LPAR3: variants seen among roughly 807,000 people sequenced by gnomAD.
LPAR3 encodes the protein lysophosphatidic acid receptor 3.
LPAR3 carries 7 observed loss-of-function variants against 17.8 expected under a neutral mutation model. The ratio of observed to expected loss-of-function variants is 0.39; its 90% confidence interval spans 0.22 to 0.74. The LOEUF (loss-of-function observed/expected upper bound fraction) is 0.74, where lower values mean the gene tolerates loss of function less well. Among genes scored for constraint, LPAR3 ranks in the 30% least tolerant of loss-of-function variants. The probability of loss-of-function intolerance (pLI) is 0.40; values close to 1 mark genes in which losing one functional copy is unlikely to be tolerated. For missense variants in LPAR3, 391 were observed against 453.4 expected (o/e 0.86, Z 1.25); for synonymous variants, 179 against 179.9 (o/e 0.99, Z 0.04).
At chr1:84,837,509 TGA>T (rs1659429426) in intron 2 of LPAR3, among the ~76,000 whole-genome samples, 1 of 152,178 alleles carries the variant, frequency 6.6e-6, no homozygotes, top group East Asian at 1.9e-4. Flanking sequence ...ACATCACCTC[TGA>T]GAGAGTCAAC....
At chr1:84,832,745 G>A (rs1659312697) in intron 2 of LPAR3, among the ~76,000 whole-genome samples, 1 of 152,194 alleles carries the variant, frequency 6.6e-6, no homozygotes, top group Non-Finnish European at 1.5e-5. Flanking sequence ...TATCACAGGT[G>A]GCTGGGCAGC....
chr1:84,878,174 A>C, intron 1 of LPAR3, among the ~76,000 whole-genome samples: 1 of 152,146 alleles, frequency 6.6e-6, no homozygotes, highest in East Asian at 1.9e-4. Flanking sequence ...TCTGACATAA[A>C]TTTTTTTTAA....
intron 1 of LPAR3, among the ~76,000 whole-genome samples, chr1:84,890,455 C>G (rs1660532504): frequency 6.6e-6 from 1 of 152,134 alleles, no homozygotes; most frequent in Non-Finnish European, 1.5e-5. Flanking sequence ...AGTGCTTTCT[C>G]TTTTAATCTT....
chr1:84,865,511 C>A lies in LPAR3; in HGVS notation c.610G>T (p.Val204Leu), dbSNP rs754832960. 8.7e-6 allele frequency: 14 copies of A among 1,614,070 alleles called. No homozygotes were observed. The highest frequency in any genetic ancestry group is 1.1e-5 in the Non-Finnish European group (13 of 1,180,056). ...SNLMAFLIMV[V>L]VYLRIYVYVK... ...TACACGTAGATCCGCAGGTACACCA[C>A]AACCATGATGAGGAAGGCCATGAGG... The change falls in exon 2 of 3, where the codon GTG becomes TTG. Residue 204 changes from valine (V) to leucine (L), a missense_variant. Val to Leu is a conservative substitution (Grantham distance 32). Coordinates refer to ENST00000370611, the MANE Select transcript of LPAR3 (RefSeq NM_012152.3).
At chr1:84,887,680 G>A (rs1178354253) in intron 1 of LPAR3, among the ~76,000 whole-genome samples, 1 of 152,180 alleles carries the variant, frequency 6.6e-6, no homozygotes, top group African/African-American at 2.4e-5. Context: ...TGTGCCTTCT[G>A]TTGTAAGAAG....
At chr1:84,861,318 C>T (rs1054332690) in intron 2 of LPAR3, among the ~76,000 whole-genome samples, 7 of 152,148 alleles carry the variant, frequency 4.6e-5, no homozygotes, top group African/African-American at 1.7e-4. Context: ...TAGGAAGATA[C>T]TGTGGTAGGT....
chr1:84,812,935 T>G lies in LPAR3; in HGVS notation c.*911A>C, dbSNP rs1658842637. On this transcript the variant is annotated 3_prime_UTR_variant, in exon 3 of 3. Coordinates refer to ENST00000370611, the MANE Select transcript of LPAR3 (RefSeq NM_012152.3). ...TTTTCTGCATAAACCCTTTACTAGCTCTCCACTGTTTTTCACCATCATGAG... is the reference window on the plus strand; with the variant it reads ...TTTTCTGCATAAACCCTTTACTAGCGCTCCACTGTTTTTCACCATCATGAG... 1 of 151,454 alleles carries G rather than the reference T, an allele frequency of 6.6e-6. No homozygotes were observed. Among genetic ancestry groups the G allele is most frequent in the South Asian group, 2.1e-4 (1 of 4,778 alleles). The allele number at this position is 151,454 out of a possible 1,614,324, so 9.4% of individuals were successfully genotyped here.
chr1:84,870,320 AT>A (rs1404845621), intron 1 of LPAR3, among the ~76,000 whole-genome samples: 1 of 152,210 alleles, frequency 6.6e-6, no homozygotes, highest in African/African-American at 2.4e-5. Flanking sequence ...TTAAGAATTT[AT>A]TGTCCATCTC....
chr1:84,883,102 A>G (rs1456894106), intron 1 of LPAR3, among the ~76,000 whole-genome samples: 1 of 152,134 alleles, frequency 6.6e-6, no homozygotes. Context: ...TTTTTGTAAA[A>G]GGGAGATAAG....
intron 2 of LPAR3, among the ~76,000 whole-genome samples, chr1:84,860,303 G>A (rs911585383): frequency 6.6e-6 from 1 of 152,206 alleles, no homozygotes; most frequent in Non-Finnish European, 1.5e-5. Context: ...GGAACACAAA[G>A]GTCATCTGGT....
intron 2 of LPAR3, among the ~76,000 whole-genome samples, chr1:84,816,426 C>T (rs978532714): frequency 6.6e-6 from 1 of 152,196 alleles, no homozygotes; most frequent in Non-Finnish European, 1.5e-5. Context: ...CTTTGTACAT[C>T]TCAGAACAAT....
intron 1 of LPAR3, among the ~76,000 whole-genome samples, chr1:84,889,785 G>A (rs1374421114): frequency 2.0e-5 from 3 of 152,254 alleles, no homozygotes; most frequent in African/African-American, 7.2e-5. Flanking sequence ...TGCCTGGGGT[G>A]GCCCACATCT....
At chr1:84,814,785 G>A (rs754935911) in intron 2 of LPAR3, among the ~76,000 whole-genome samples, 5 of 152,002 alleles carry the variant, frequency 3.3e-5, no homozygotes, top group African/African-American at 9.7e-5. Flanking sequence ...ACATATTCAC[G>A]GGCCATCTGC....
chr1:84,865,612 A>T lies in LPAR3; in HGVS notation c.509T>A (p.Leu170His), dbSNP rs749733105. ...GAVPTLGWNCLCNISACSSLA... is the reference protein window; with the variant it reads ...GAVPTLGWNCHCNISACSSLA... ...GGAAGAGCAGGCAGAGATGTTGCAGAGGCAATTCCAGCCCAGTGTGGGGAC... is the reference window on the plus strand; with the variant it reads ...GGAAGAGCAGGCAGAGATGTTGCAGTGGCAATTCCAGCCCAGTGTGGGGAC... Residue 170 changes from leucine (L) to histidine (H), a missense_variant, in exon 2 of 3, where the codon CTC becomes CAC. Transcript: ENST00000370611. 6.2e-7 allele frequency: 1 copy of T among 1,614,214 alleles called. No individual in the cohort carries two copies. The highest frequency in any genetic ancestry group is 2.2e-5 in the East Asian group (1 of 44,878).
At chr1:84,891,934 C>T (rs1294922208) in intron 1 of LPAR3, among the ~76,000 whole-genome samples, 1 of 152,088 alleles carries the variant, frequency 6.6e-6, no homozygotes, top group African/African-American at 2.4e-5. Flanking sequence ...ACTGACCTAG[C>T]CGGGCGCAGT....
intron 2 of LPAR3, among the ~76,000 whole-genome samples, 155 bp downstream of exon 2, chr1:84,865,230 A>G (rs1660014993): frequency 6.6e-6 from 1 of 151,920 alleles, no homozygotes; most frequent in Non-Finnish European, 1.5e-5. Context: ...ATCTTTCCTT[A>G]TTAGAGTGTA....
chr1:84,886,807 T>C (rs1331392575), intron 1 of LPAR3, among the ~76,000 whole-genome samples: 1 of 152,124 alleles, frequency 6.6e-6, no homozygotes, highest in African/African-American at 2.4e-5. Flanking sequence ...GTCCAGATGA[T>C]CTGGTGGAGC....
rs1216626038 is a variant in LPAR3, at chr1:84,863,316, A to G, written c.736+2069T>C. 2.6e-5 allele frequency among the ~76,000 whole-genome samples: 4 copies of G among 152,012 alleles called. No individual in the cohort carries two copies. The East Asian group carries it at 5.8e-4, about 22-fold the overall frequency. On this transcript the variant is annotated intron_variant, in intron 2 of 2. Coordinates refer to ENST00000370611, the MANE Select transcript of LPAR3 (RefSeq NM_012152.3). ...TCCTTTCTTTCTCAATTTTACTCCAATCAGGCTCTTGGCTATACCAAATGT... is the reference window on the plus strand; with the variant it reads ...TCCTTTCTTTCTCAATTTTACTCCAGTCAGGCTCTTGGCTATACCAAATGT...
intron 2 of LPAR3, among the ~76,000 whole-genome samples, chr1:84,830,471 G>A (rs1258740099): frequency 2.0e-5 from 3 of 152,070 alleles, no homozygotes; most frequent in African/African-American, 4.8e-5. Flanking sequence ...ACCTGTGTGC[G>A]AATCTTTCCC....
Sources: gnomAD v4.1 joint callset for allele counts (sites outside exome capture counted in the v4.1 genomes callset) on GRCh38, gnomAD v4.1.1 for gene constraint, MANE v1.5 for transcripts, NCBI Gene and HGNC (gene_info 2026-07-23, HGNC 2026-07-21) for gene names.